The following SLC66A1 variants were observed in gnomAD, a reference collection of about 807,000 sequenced individuals.
SLC66A1 encodes the protein lysosomal amino acid transporter 1 homolog.
In SLC66A1, 23 loss-of-function variants were observed where a neutral mutation model predicts 33.0. The ratio of observed to expected loss-of-function variants is 0.70; its 90% confidence interval spans 0.50 to 0.99. SLC66A1 has a LOEUF of 0.99. Among genes scored for constraint, SLC66A1 ranks in the 50% least tolerant of loss-of-function variants. The pLI, the probability that SLC66A1 is intolerant of heterozygous loss-of-function variation, is 0.00. For synonymous variants in SLC66A1, 164 were observed against 175.5 expected, an observed-to-expected ratio of 0.93 and a Z score of 0.52; for missense variants, 335 against 383.6, an observed-to-expected ratio of 0.87 and a Z score of 1.06.
chr1:19,322,298 C>T (rs1316262099), intron 2 of SLC66A1, among the ~76,000 whole-genome samples: 1 of 152,112 alleles, frequency 6.6e-6, no homozygotes, highest in East Asian at 1.9e-4. Flanking sequence ...ATCCCCCTTT[C>T]TGCCTGGGCT....
chr1:19,324,013 C>T (rs890016165), intron 2 of SLC66A1, among the ~76,000 whole-genome samples: 1 of 152,192 alleles, frequency 6.6e-6, no homozygotes, highest in Non-Finnish European at 1.5e-5. Context: ...GCCAGAAGTC[C>T]TAAGAGGGTC....
At position 19,326,580 on chromosome 1, in the gene SLC66A1, G is replaced by A. The variant is rs2093868642; in HGVS notation, c.575G>A (p.Ser192Asn). 6.2e-7 allele frequency: 1 copy of A among 1,614,126 alleles called. No homozygotes were observed. The highest frequency in any genetic ancestry group is 1.7e-5 in the Admixed American group (1 of 60,008). The change falls in exon 6 of 8, where the codon AGC becomes AAC. Residue 192 changes from serine to asparagine, a missense_variant. Transcript: ENST00000375153. ...VIGFVIGSIS[S>N]VLYLLSRLPQ... ...GGCTTCGTCATCGGCTCCATCTCCA[G>A]CGTGTTGTACCTGCTTTCCCGGCTG...
At chr1:19,318,397 C>G (rs933804342) in intron 2 of SLC66A1, among the ~76,000 whole-genome samples, 2 of 152,216 alleles carry the variant, frequency 1.3e-5, no homozygotes, top group African/African-American at 4.8e-5. Context: ...TCAAGAGCAT[C>G]TTGACCTGGG....
At chr1:19,329,378 G>T (rs1271656197), downstream of SLC66A1, 1 of 152,564 alleles carries the variant, frequency 6.6e-6, no homozygotes, top group Non-Finnish European at 1.5e-5. Context: ...ATGTGGATGG[G>T]GATTCAGGAC....
intron 2 of SLC66A1, among the ~76,000 whole-genome samples, chr1:19,322,672 G>T (rs9661396): frequency 0.21 from 32,596 of 152,004 alleles, 4,112 homozygotes; most frequent in South Asian, 0.33. Context: ...TTCCTGAGAC[G>T]GGAAAGATGA....
chr1:19,327,541 C>T, intron 7 of SLC66A1, 129 bp downstream of exon 7: 1 of 1,013,082 alleles, frequency 9.9e-7, no homozygotes, highest in Middle Eastern at 2.7e-4. Context: ...CCCTCCCTCC[C>T]TCCCTCCCTC....
intron 2 of SLC66A1, among the ~76,000 whole-genome samples, chr1:19,319,917 A>G (rs1489838221): frequency 4.0e-5 from 6 of 148,458 alleles, no homozygotes; most frequent in African/African-American, 1.5e-4. Flanking sequence ...TCTTTTTGAG[A>G]CAAGGTCTCA....
rs2093844808 is a variant in SLC66A1, at chr1:19,322,843, G to C, written c.165-1790G>C. On this transcript the variant is annotated intron_variant, in intron 2 of 7. Transcript: ENST00000375153. ...GCACTGGAAGGCTCTGGCAGTTTTT[G>C]GTGACACTGGGGTTTTAGTTTTTTA... Among the ~76,000 whole-genome samples the C allele has an allele frequency of 2.0e-5, 3 of 152,114 alleles. No individual in the cohort carries two copies. The South Asian group carries it at 6.2e-4, about 32-fold the overall frequency.
intron 4 of SLC66A1, 55 bp from the exon 5 acceptor site, chr1:19,326,190 G>C (rs41264077): frequency 0.27 from 415,035 of 1,548,184 alleles, 59,345 homozygotes; most frequent in South Asian, 0.32. Context: ...ACCCTCCCCC[G>C]ACAACCGCTG....
At chr1:19,315,723 T>TCTCC (rs1047631313) in intron 1 of SLC66A1, among the ~76,000 whole-genome samples, 3 of 152,146 alleles carry the variant, frequency 2.0e-5, no homozygotes, top group Non-Finnish European at 4.4e-5. Context: ...TGTCTCTCTC[T>TCTCC]CTCCCTCCCT....
chr1:19,317,579 C>CTCCTCCCT, intron 1 of SLC66A1, 21 bp from the exon 2 acceptor site: 1 of 1,525,630 alleles, frequency 6.6e-7, no homozygotes, highest in Non-Finnish European at 8.8e-7. Context: ...TGCTGAAAGC[C>CTCCTCCCT]TCCTCCCTTC....
intron 4 of SLC66A1, 69 bp downstream of exon 4, chr1:19,325,651 C>T: frequency 7.8e-7 from 1 of 1,275,076 alleles, no homozygotes; most frequent in Non-Finnish European, 1.1e-6. Context: ...GGGGGGGCGC[C>T]TGGAGTGTGG....
intron 7 of SLC66A1, chr1:19,327,745 C>A: frequency 2.0e-6 from 1 of 488,120 alleles, no homozygotes; most frequent in Non-Finnish European, 4.2e-6. Flanking sequence ...AGAAAAACAA[C>A]AAGAGCGTCT....
At chr1:19,319,611 T>TTTTTTG (rs2093823943) in intron 2 of SLC66A1, among the ~76,000 whole-genome samples, 3 of 148,476 alleles carry the variant, frequency 2.0e-5, no homozygotes, top group South Asian at 4.3e-4. Flanking sequence ...TCATGTTTTT[T>TTTTTTG]TTTTTTTTTT....
At chr1:19,332,074 T>G (rs1408358273), downstream of SLC66A1, among the ~76,000 whole-genome samples, 2 of 152,160 alleles carry the variant, frequency 1.3e-5, no homozygotes, top group Non-Finnish European at 2.9e-5. Flanking sequence ...GAGTCTCCTC[T>G]CCCTTGGAGG....
At chr1:19,325,795 A>G (rs1465746684) in intron 4 of SLC66A1, among the ~76,000 whole-genome samples, 1 of 152,210 alleles carries the variant, frequency 6.6e-6, no homozygotes, top group East Asian at 1.9e-4. Flanking sequence ...GGCCCAGACC[A>G]CAGGCCGGTT....
downstream of SLC66A1, among the ~76,000 whole-genome samples, chr1:19,331,453 G>A (rs1416105639): frequency 2.0e-5 from 3 of 152,152 alleles, no homozygotes; most frequent in Non-Finnish European, 2.9e-5. Flanking sequence ...CTGGCGGCCC[G>A]TGTCCCCTTC....
rs561858760 is a variant in SLC66A1 at position 19,324,535 on chromosome 1, G to A, written c.165-98G>A. ...GCCACTTCCTCTCCATCGCCGCCTC[G>A]ATCCCCATGGTCGTCTCCTCTGGGC... On this transcript the variant is annotated intron_variant, in intron 2 of 7. Coordinates refer to ENST00000375153, the MANE Select transcript of SLC66A1 (RefSeq NM_001040125.2). 115 of 1,464,804 alleles carry A rather than the reference G, an allele frequency of 7.9e-5. No individual in the cohort carries two copies. The South Asian group carries it at 1.2e-3, about 16-fold the overall frequency. 90.7% of individuals were successfully genotyped at this position (1,464,804 alleles called of 1,614,324 possible).
At chr1:19,315,219 T>C (rs1334145266) in intron 1 of SLC66A1, among the ~76,000 whole-genome samples, 1 of 152,204 alleles carries the variant, frequency 6.6e-6, no homozygotes, top group East Asian at 1.9e-4. Context: ...ACACCTGGAC[T>C]ATATGTTAAT....
Sources: gnomAD v4.1 joint callset for allele counts (sites outside exome capture counted in the v4.1 genomes callset) on GRCh38, gnomAD v4.1.1 for gene constraint, MANE v1.5 for transcripts, NCBI Gene and HGNC (gene_info 2026-07-23, HGNC 2026-07-21) for gene names.